The following PCDHA3 variants were observed in gnomAD, a reference collection of about 807,000 sequenced individuals.
PCDHA3 encodes protocadherin alpha-3.
Under a neutral mutation model 62.2 loss-of-function variants are expected in PCDHA3, and 41 were observed. The ratio of observed to expected loss-of-function variants is 0.66; its 90% CI spans 0.51 to 0.86. The LOEUF is 0.86. Ranked by LOEUF, PCDHA3 falls within the 40% of genes least tolerant of loss-of-function variation. The pLI is 0.00. For synonymous variants in PCDHA3, 640 were observed against 555.4 expected (o/e 1.15, Z -2.14); for missense variants, 1,304 against 1,241.2 (o/e 1.05, Z -0.76).
chr5:140,857,241 C>T, intron 1 of PCDHA3: 1 of 1,598,588 alleles, frequency 6.3e-7, no homozygotes, highest in East Asian at 2.2e-5. Context: ...AAGCTGGTGT[C>T]CACCTACAAG....
intron 1 of PCDHA3, among the ~76,000 whole-genome samples, chr5:140,827,038 T>C (rs1400929432): frequency 2.6e-5 from 4 of 152,214 alleles, no homozygotes; most frequent in African/African-American, 9.6e-5. Context: ...AAAATTTGAA[T>C]TTGGGGATTA....
At chr5:140,932,810 A>G (rs925757508) in intron 1 of PCDHA3, among the ~76,000 whole-genome samples, 1 of 151,958 alleles carries the variant, frequency 6.6e-6, no homozygotes, top group Non-Finnish European at 1.5e-5. Flanking sequence ...CCTTGGAAAC[A>G]TATAAGTGGG....
chr5:140,823,492 G>C (rs886912020), intron 1 of PCDHA3: 1 of 1,613,280 alleles, frequency 6.2e-7, no homozygotes, highest in African/African-American at 1.3e-5. Flanking sequence ...GGGTGGCACC[G>C]GCGGCGCAGT....
At chr5:140,848,871 A>T in intron 1 of PCDHA3, 1 of 1,590,856 alleles carries the variant, frequency 6.3e-7, no homozygotes, top group Non-Finnish European at 8.6e-7. Context: ...GGTGAAGGAC[A>T]TTAACGACAA....
chr5:141,006,157 A>G (rs2098258108), intron 3 of PCDHA3, among the ~76,000 whole-genome samples: 1 of 150,182 alleles, frequency 6.7e-6, no homozygotes, highest in Non-Finnish European at 1.5e-5. Context: ...GGAGTGATAT[A>G]ATCTGATTTA....
At chr5:140,972,660 A>ATTTTTT (rs11350929) in intron 1 of PCDHA3, among the ~76,000 whole-genome samples, 2 of 117,268 alleles carry the variant, frequency 1.7e-5, no homozygotes, top group African/African-American at 3.3e-5. Context: ...AAGAAACCAA[A>ATTTTTT]TTTTTTTTTT....
intron 1 of PCDHA3, among the ~76,000 whole-genome samples, chr5:140,923,219 C>T (rs557006469): frequency 1.3e-5 from 2 of 152,094 alleles, no homozygotes; most frequent in East Asian, 1.9e-4. Context: ...GTGAAAGGAT[C>T]GTTTGAGCCC....
intron 1 of PCDHA3, among the ~76,000 whole-genome samples, chr5:140,962,537 A>G (rs1554226101): frequency 6.6e-6 from 1 of 152,208 alleles, no homozygotes; most frequent in Non-Finnish European, 1.5e-5. Context: ...TTTTAGAACT[A>G]AAAATGTAGA....
At chr5:140,970,243 T>C (rs1554232347) in intron 1 of PCDHA3, among the ~76,000 whole-genome samples, 1 of 152,252 alleles carries the variant, frequency 6.6e-6, no homozygotes, top group Non-Finnish European at 1.5e-5. Flanking sequence ...TGATTTTCTG[T>C]TGACAGTTTC....
At chr5:140,931,782 C>T (rs967402790) in intron 1 of PCDHA3, among the ~76,000 whole-genome samples, 9 of 151,848 alleles carry the variant, frequency 5.9e-5, no homozygotes, top group Non-Finnish European at 5.9e-5. Flanking sequence ...GTTCAATTAC[C>T]TATTGATCTG....
chr5:140,912,359 G>A (rs1483575347), intron 1 of PCDHA3, among the ~76,000 whole-genome samples: 1 of 131,950 alleles, frequency 7.6e-6, no homozygotes, highest in Non-Finnish European at 1.6e-5. Context: ...TTTTTTTTTT[G>A]CAGCTGTTGT....
rs376697527 is a variant in PCDHA3, at chr5:140,912,219, T to G, written c.2395-66730T>G. ...CCCAGATTGAGGGTAGATCTGCCTT[T>G]CCCAGTCCACTGACTCAAATGTTAA... On this transcript the variant is annotated intron_variant, in intron 1 of 3. Transcript: ENST00000522353. 4.3e-4 allele frequency among the ~76,000 whole-genome samples: 66 copies of G among 152,026 alleles called. 1 individual carries two copies. In the South Asian group the frequency reaches 0.013, roughly 30 times the overall value.
At chr5:140,816,206 C>T (rs1368451854) in intron 1 of PCDHA3, 8 of 152,138 alleles carry the variant, frequency 5.3e-5, no homozygotes, top group Admixed American at 3.3e-4. Flanking sequence ...ATTTCTTGCT[C>T]TTTTTGCTAC....
chr5:140,841,971 G>T (rs2150326595), intron 1 of PCDHA3: 3 of 1,613,910 alleles, frequency 1.9e-6, no homozygotes, highest in East Asian at 2.2e-5. Flanking sequence ...GCCACAGATG[G>T]GGGCAAACCT....
intron 1 of PCDHA3, among the ~76,000 whole-genome samples, chr5:140,922,956 T>G (rs2081088317): frequency 6.6e-6 from 1 of 152,236 alleles, no homozygotes; most frequent in Non-Finnish European, 1.5e-5. Context: ...CCAGTTTGTC[T>G]TCAGCCAGTG....
At chr5:140,882,606 C>A (rs782588313) in intron 1 of PCDHA3, 1 of 1,614,120 alleles carries the variant, frequency 6.2e-7, no homozygotes, top group African/African-American at 1.3e-5. Context: ...GTGGACAGGC[C>A]TCTGCAGGTT....
intron 1 of PCDHA3, among the ~76,000 whole-genome samples, chr5:140,940,086 A>G (rs373629874): frequency 6.6e-6 from 1 of 152,214 alleles, no homozygotes; most frequent in African/African-American, 2.4e-5. Flanking sequence ...TTTCTGCTAA[A>G]TTGAAACTTT....
chr5:140,805,075 C>T, intron 1 of PCDHA3: 1 of 1,593,602 alleles, frequency 6.3e-7, no homozygotes, highest in South Asian at 1.1e-5. Flanking sequence ...GAACTTCAAT[C>T]TTCAAATCCA....
At chr5:140,968,881 C>A in intron 1 of PCDHA3, 1 of 1,614,154 alleles carries the variant, frequency 6.2e-7, no homozygotes, top group Non-Finnish European at 8.5e-7. Context: ...CTGAAATTAC[C>A]CTTTATCTAA....
Sources: gnomAD v4.1 joint callset for allele counts (sites outside exome capture counted in the v4.1 genomes callset) on GRCh38, gnomAD v4.1.1 for gene constraint, MANE v1.5 for transcripts, NCBI Gene and HGNC (gene_info 2026-07-23, HGNC 2026-07-21) for gene names.